The following WDR7 variants were observed in gnomAD, a reference collection of about 807,000 sequenced individuals.
The protein encoded by WDR7 is WD repeat-containing protein 7.
In WDR7, 46 loss-of-function variants were observed where a neutral mutation model predicts 169.4. The ratio of observed to expected loss-of-function variants is 0.27; its 90% CI spans 0.21 to 0.35. WDR7 has a LOEUF of 0.35. Among genes scored for constraint, WDR7 ranks in the 10% least tolerant of loss-of-function variants. The pLI is 1.00. For synonymous variants in WDR7, 612 were observed against 666.8 expected (o/e 0.92, Z 1.27); for missense variants, 1,534 against 1,859.3 (o/e 0.83, Z 3.22).
chr18:56,795,960 G>A (rs560398061), intron 19 of WDR7, among the ~76,000 whole-genome samples: 60 of 152,148 alleles, frequency 3.9e-4, no homozygotes, highest in Admixed American at 1.5e-3. Context: ...ATGTTAAATA[G>A]GAAATGTGAA....
chr18:57,036,251 CTG>C, the WDR7 span: 2 of 152,208 alleles, frequency 1.3e-5, no homozygotes, highest in Admixed American at 6.5e-5. Flanking sequence ...GCAGGGGACA[CTG>C]TGGTATGCAT....
At chr18:57,013,194 T>G (rs958194641) in intron 26 of WDR7, among the ~76,000 whole-genome samples, 2 of 152,082 alleles carry the variant, frequency 1.3e-5, no homozygotes, top group Non-Finnish European at 2.9e-5. Flanking sequence ...CATGCACAGT[T>G]CACAATAGGG....
At chr18:56,831,954 C>T (rs1175637450) in intron 20 of WDR7, among the ~76,000 whole-genome samples, 2 of 151,858 alleles carry the variant, frequency 1.3e-5, no homozygotes, top group Non-Finnish European at 2.9e-5. Flanking sequence ...TTTTTTCTTT[C>T]ATACCCCAGT....
At chr18:56,935,411 A>G (rs907501615) in intron 22 of WDR7, among the ~76,000 whole-genome samples, 2 of 152,238 alleles carry the variant, frequency 1.3e-5, no homozygotes, top group Non-Finnish European at 2.9e-5. Context: ...GTCTTTTAAT[A>G]TGGCTTTATA....
rs138525642 is a variant in WDR7 at position 56,842,696 on chromosome 18, T to TAC, written c.3304+26566_3304+26567dup. Among the ~76,000 whole-genome samples, 258 of 151,594 alleles carry TAC rather than the reference T, an allele frequency of 1.7e-3. 1 individual carries two copies. Among genetic ancestry groups the TAC allele is most frequent in the African/African-American group, 5.6e-3 (234 of 41,426 alleles). ...AGTGTTTTATTCATGTTTTCTCTCT[T>TAC]ACACACACACACACAGTGATCAATG... On this transcript the variant is annotated intron_variant, in intron 20 of 27. Transcript: ENST00000254442.
Position 56,681,322 on chromosome 18 carries a change from C to T in WDR7, c.276C>T (p.Cys92=). Residue 92 remains cysteine, a synonymous_variant, in exon 4 of 28, where the codon TGC becomes TGT. Coordinates refer to ENST00000254442, the MANE Select transcript of WDR7 (RefSeq NM_015285.3). ...IVSASESGEM[C]LWDVSDGRCI... is the part of the protein sequence containing the mutation. ...TTATTTTGTTTTATAGAGAGATGTGCCTCTGGGATGTGAGTGATGGCAGAT... is the reference window on the plus strand; with the variant it reads ...TTATTTTGTTTTATAGAGAGATGTGTCTCTGGGATGTGAGTGATGGCAGAT... 6.3e-7 allele frequency: 1 copy of T among 1,592,912 alleles called. No individual in the cohort carries two copies. Among genetic ancestry groups the T allele is most frequent in the Non-Finnish European group, 8.5e-7 (1 of 1,173,810 alleles).
chr18:56,894,913 T>C (rs1485140457), intron 21 of WDR7, among the ~76,000 whole-genome samples: 1 of 152,056 alleles, frequency 6.6e-6, no homozygotes, highest in Non-Finnish European at 1.5e-5. Flanking sequence ...GGAAAAAATA[T>C]ATGATTATTT....
In WDR7 at chr18:56,867,006, CTTACTTAT is replaced by C. The variant is rs1367058404; in HGVS notation, c.3305-12934_3305-12927del. On this transcript the variant is annotated intron_variant, in intron 20 of 27. Transcript: ENST00000254442. Reference sequence around the variant, plus strand: ...ATCTATTATGCAACAACTTTATTTACTTACTTATTTATTTATTTATTTATTTATTTATT... The same window carrying C: ...ATCTATTATGCAACAACTTTATTTACTTATTTATTTATTTATTTATTTATT... Among the ~76,000 whole-genome samples the C allele has an allele frequency of 3.0e-3, 441 of 146,348 alleles. 4 individuals carry two copies. The highest frequency in any genetic ancestry group is 0.011 in the African/African-American group (407 of 36,238).
At chr18:56,797,590 T>C (rs2044606674) in intron 19 of WDR7, among the ~76,000 whole-genome samples, 1 of 152,104 alleles carries the variant, frequency 6.6e-6, no homozygotes, top group Non-Finnish European at 1.5e-5. Flanking sequence ...CAGTTAATTT[T>C]GATTGAACAC....
At chr18:56,981,575 G>A (rs1046815089) in intron 26 of WDR7, among the ~76,000 whole-genome samples, 1 of 152,186 alleles carries the variant, frequency 6.6e-6, no homozygotes, top group African/African-American at 2.4e-5. Flanking sequence ...GCAACAATGG[G>A]AGAGTGGATG....
At chr18:56,943,326 T>C (rs1045686907) in intron 25 of WDR7, among the ~76,000 whole-genome samples, 2 of 152,086 alleles carry the variant, frequency 1.3e-5, no homozygotes, top group African/African-American at 2.4e-5. Context: ...TTTAAAATCT[T>C]TATATAGTTT....
intron 20 of WDR7, among the ~76,000 whole-genome samples, chr18:56,875,908 G>A (rs2046015523): frequency 6.6e-6 from 1 of 152,136 alleles, no homozygotes; most frequent in African/African-American, 2.4e-5. Context: ...TGATCATTGT[G>A]TGAGTCTTCT....
At chr18:56,738,588 G>A (rs1226780297) in intron 14 of WDR7, among the ~76,000 whole-genome samples, 2 of 151,998 alleles carry the variant, frequency 1.3e-5, no homozygotes, top group African/African-American at 4.8e-5. Context: ...ATTATTTTCA[G>A]TCTCTCACAT....
chr18:56,882,683 C>A (rs1454420332), intron 21 of WDR7, among the ~76,000 whole-genome samples: 1 of 152,180 alleles, frequency 6.6e-6, no homozygotes, highest in African/African-American at 2.4e-5. Flanking sequence ...ACCCAGAAAT[C>A]AATTCCTTTA....
intron 1 of WDR7, among the ~76,000 whole-genome samples, chr18:56,655,768 G>T (rs1001498722): frequency 6.6e-6 from 1 of 151,678 alleles, no homozygotes; most frequent in Non-Finnish European, 1.5e-5. Flanking sequence ...CTATAATTTT[G>T]TCATTACCAG....
At chr18:56,994,243 C>T (rs1013778892) in intron 26 of WDR7, among the ~76,000 whole-genome samples, 1 of 152,026 alleles carries the variant, frequency 6.6e-6, no homozygotes, top group Non-Finnish European at 1.5e-5. Flanking sequence ...AGGCTAGTCT[C>T]GAACTCCTGA....
chr18:57,014,511 C>G (rs190829603), intron 26 of WDR7, among the ~76,000 whole-genome samples: 1 of 150,272 alleles, frequency 6.7e-6, no homozygotes, highest in Non-Finnish European at 1.5e-5. Context: ...ACAAAAAATT[C>G]GCCAGGCGGT....
intron 21 of WDR7, among the ~76,000 whole-genome samples, chr18:56,890,432 T>G (rs1043315203): frequency 1.3e-5 from 2 of 152,180 alleles, no homozygotes; most frequent in Non-Finnish European, 2.9e-5. Context: ...TCCTAGATTT[T>G]AAGAGAAGAA....
At chr18:56,699,214 C>T (rs1450042800) in intron 12 of WDR7, among the ~76,000 whole-genome samples, 4 of 152,092 alleles carry the variant, frequency 2.6e-5, no homozygotes, top group African/African-American at 9.7e-5. Context: ...TGCACATCAG[C>T]AAGTATGTTT....
Sources: gnomAD v4.1 joint callset for allele counts (sites outside exome capture counted in the v4.1 genomes callset) on GRCh38, gnomAD v4.1.1 for gene constraint, MANE v1.5 for transcripts, NCBI Gene and HGNC (gene_info 2026-07-23, HGNC 2026-07-21) for gene names.